Variants in ARL17A observed in about 807,000 individuals in gnomAD.
ARL17A encodes ARF like GTPase 17A, also known as ADP-ribosylation factor-like 17-like.
chr17:46,568,976 C>G, intron 3 of ARL17A, among the ~76,000 whole-genome samples: 1 of 128,300 alleles, frequency 7.8e-6, no homozygotes, highest in Admixed American at 7.8e-5. Context: ...GGAGTCTCGC[C>G]CTGTCGCCCA....
the ARL17A span, among the ~76,000 whole-genome samples, chr17:46,501,667 T>C: frequency 6.6e-6 from 1 of 151,346 alleles, no homozygotes; most frequent in African/African-American, 2.5e-5. Flanking sequence ...CATGTTAACA[T>C]GCCAACCAAT....
intron 4 of ARL17A, among the ~76,000 whole-genome samples, chr17:46,534,278 G>A (rs983472946): frequency 7.7e-5 from 11 of 142,280 alleles, no homozygotes; most frequent in African/African-American, 3.1e-4. Context: ...GACAATAGTG[G>A]AGGGAAGGTC....
intron 4 of ARL17A, among the ~76,000 whole-genome samples, chr17:46,529,079 G>A (rs2667894): frequency 4.0e-3 from 448 of 111,512 alleles, no homozygotes; most frequent in Non-Finnish European, 6.7e-3. Flanking sequence ...GAGCTGTTAG[G>A]ATTTCAGTAC....
At chr17:46,558,572 T>C (rs112364862) in intron 3 of ARL17A, among the ~76,000 whole-genome samples, 1 of 130,330 alleles carries the variant, frequency 7.7e-6, no homozygotes, top group Non-Finnish European at 1.6e-5. Context: ...TTTTTTTTTT[T>C]TCTAAAAACA....
At chr17:46,568,598 T>G (rs1598611889) in intron 3 of ARL17A, among the ~76,000 whole-genome samples, 2 of 81,796 alleles carry the variant, frequency 2.4e-5, no homozygotes, top group South Asian at 3.8e-4. Context: ...AGCCCAGGAG[T>G]TTGAGACCAG....
chr17:46,531,812 AT>A (rs2053670840), intron 4 of ARL17A, among the ~76,000 whole-genome samples: 2 of 105,260 alleles, frequency 1.9e-5, no homozygotes, highest in Non-Finnish European at 3.5e-5. Flanking sequence ...GTAATACTTC[AT>A]TAAATTCAAA....
At chr17:46,501,809 A>G in the ARL17A span, among the ~76,000 whole-genome samples, 1,697 of 151,164 alleles carry the variant, frequency 0.011, 141 homozygotes, top group African/African-American at 0.036. Flanking sequence ...CTTGTTGCCT[A>G]TTGTCTATAT....
chr17:46,505,078 C>T, the ARL17A span, among the ~76,000 whole-genome samples: 10 of 84,150 alleles, frequency 1.2e-4, no homozygotes, highest in Admixed American at 9.2e-4. Context: ...GGATTACAGG[C>T]GCCCACCACC....
At chr17:46,543,580 T>G (rs1335588413) in intron 3 of ARL17A, among the ~76,000 whole-genome samples, 2 of 150,852 alleles carry the variant, frequency 1.3e-5, no homozygotes, top group South Asian at 4.1e-4. Flanking sequence ...CCTTGGTTCT[T>G]AGGGGCTGCA....
At chr17:46,569,068 G>C (rs1213621910) in intron 3 of ARL17A, among the ~76,000 whole-genome samples, 1 of 140,080 alleles carries the variant, frequency 7.1e-6, no homozygotes, top group African/African-American at 2.8e-5. Flanking sequence ...TCAGCCTCCC[G>C]AGTAGCTGGG....
chr17:46,543,960 T>G (rs2055895118), intron 3 of ARL17A, among the ~76,000 whole-genome samples: 1 of 137,280 alleles, frequency 7.3e-6, no homozygotes, highest in South Asian at 2.2e-4. Context: ...CTACAAAATA[T>G]ACAAAAATTA....
At chr17:46,543,298 T>C (rs948281425) in intron 3 of ARL17A, among the ~76,000 whole-genome samples, 4 of 150,524 alleles carry the variant, frequency 2.7e-5, no homozygotes, top group African/African-American at 7.5e-5. Flanking sequence ...TTCATGTGTA[T>C]TGAAAAATTA....
downstream of ARL17A, chr17:46,548,228 G>A: frequency 3.2e-6 from 1 of 316,820 alleles, no homozygotes; most frequent in Non-Finnish European, 5.1e-6. Flanking sequence ...CTCCTACTCT[G>A]TGTGACTGGG....
At chr17:46,541,074 C>A (rs2055222149) in intron 3 of ARL17A, among the ~76,000 whole-genome samples, 1 of 125,424 alleles carries the variant, frequency 8.0e-6, no homozygotes. Context: ...TAAAGCATTT[C>A]TGATGCCTCA....
chr17:46,513,431 A>G, downstream of ARL17A: 1 of 240,252 alleles, frequency 4.2e-6, no homozygotes, highest in Admixed American at 7.2e-5. Context: ...TCACTCCAGC[A>G]AGAAGCCCCA....
At chr17:46,545,815 C>T (rs1475226292) in intron 3 of ARL17A, among the ~76,000 whole-genome samples, 1 of 149,534 alleles carries the variant, frequency 6.7e-6, no homozygotes, top group Non-Finnish European at 1.5e-5. Flanking sequence ...TTTAACTCCG[C>T]AATCCAGGTT....
At chr17:46,558,196 G>A (rs1310869264) in intron 3 of ARL17A, among the ~76,000 whole-genome samples, 9 of 100,934 alleles carry the variant, frequency 8.9e-5, no homozygotes, top group Admixed American at 1.0e-4. Flanking sequence ...AGTAGCTGGG[G>A]TTACAGGCAT....
At chr17:46,541,457 G>A (rs1382104775) in intron 3 of ARL17A, among the ~76,000 whole-genome samples, 1 of 149,096 alleles carries the variant, frequency 6.7e-6, no homozygotes, top group Non-Finnish European at 1.5e-5. Flanking sequence ...TCGCCATGTT[G>A]GCCAGGGTGG....
At chr17:46,500,498 G>C in the ARL17A span, among the ~76,000 whole-genome samples, 2 of 149,754 alleles carry the variant, frequency 1.3e-5, no homozygotes, top group Non-Finnish European at 2.9e-5. Flanking sequence ...GATGATTTTT[G>C]TGGCACCTCC....
Sources: gnomAD v4.1 joint callset for allele counts (sites outside exome capture counted in the v4.1 genomes callset) on GRCh38, gnomAD v4.1.1 for gene constraint, MANE v1.5 for transcripts, NCBI Gene and HGNC (gene_info 2026-07-23, HGNC 2026-07-21) for gene names.